AGBL1: variants seen among roughly 807,000 people sequenced by gnomAD.
The protein encoded by AGBL1 is cytosolic carboxypeptidase 4.
AGBL1 carries 130 observed loss-of-function variants against 118.9 expected under a neutral mutation model. The observed-to-expected ratio is 1.09, with a 90% CI of 0.95 to 1.26. The LOEUF is 1.26. Among genes scored for constraint, AGBL1 ranks in the 50% most tolerant of loss-of-function variants. The pLI, the probability that AGBL1 is intolerant of heterozygous loss-of-function variation, is 0.00. For synonymous variants in AGBL1, 555 were observed against 478.9 expected (o/e 1.16, Z -2.08); for missense variants, 1,584 against 1,298.1 (o/e 1.22, Z -3.38).
chr15:86,881,148 T>C (rs1006404778), intron 22 of AGBL1, among the ~76,000 whole-genome samples: 5 of 152,240 alleles, frequency 3.3e-5, no homozygotes, highest in African/African-American at 1.2e-4. Context: ...ATGGGGAGTC[T>C]AGGTTTTGTC....
chr15:86,764,940 C>T (rs568295494), intron 22 of AGBL1, among the ~76,000 whole-genome samples: 1 of 152,098 alleles, frequency 6.6e-6, no homozygotes, highest in Non-Finnish European at 1.5e-5. Flanking sequence ...TAATCCATTG[C>T]TCTAGGATGC....
chr15:86,443,070 A>G (rs2082083329), intron 18 of AGBL1, among the ~76,000 whole-genome samples: 1 of 152,186 alleles, frequency 6.6e-6, no homozygotes. Context: ...TCTGACAAGG[A>G]GAAACTGTTG....
At chr15:86,222,141 CCT>C (rs2078290247) in intron 5 of AGBL1, among the ~76,000 whole-genome samples, 1 of 152,068 alleles carries the variant, frequency 6.6e-6, no homozygotes, top group Non-Finnish European at 1.5e-5. Context: ...GATTGAATTT[CCT>C]CTCCGATATC....
chr15:86,235,780 G>A (rs11632388), intron 6 of AGBL1, among the ~76,000 whole-genome samples: 6,772 of 152,266 alleles, frequency 0.044, 211 homozygotes, highest in Non-Finnish European at 0.068. Context: ...TGCCCCAGAG[G>A]GAGCAATTAG....
intron 17 of AGBL1, among the ~76,000 whole-genome samples, chr15:86,311,269 G>A (rs1004554090): frequency 1.2e-4 from 19 of 152,126 alleles, no homozygotes; most frequent in African/African-American, 3.6e-4. Flanking sequence ...GTTCAGAATA[G>A]TTAGTCTATT....
At chr15:86,963,597 G>T (rs2081015950) in intron 23 of AGBL1, among the ~76,000 whole-genome samples, 1 of 151,920 alleles carries the variant, frequency 6.6e-6, no homozygotes. Context: ...GTCAGAATAT[G>T]ATTAAGGATC....
intron 22 of AGBL1, among the ~76,000 whole-genome samples, chr15:86,886,801 G>A (rs74027146): frequency 0.063 from 9,529 of 152,152 alleles, 805 homozygotes; most frequent in African/African-American, 0.19. Flanking sequence ...GGCCCCAACC[G>A]TATTTGAGGA....
At chr15:86,806,428 G>A (rs1011972029) in intron 22 of AGBL1, among the ~76,000 whole-genome samples, 22 of 152,134 alleles carry the variant, frequency 1.4e-4, no homozygotes, top group Non-Finnish European at 2.9e-5. Context: ...GTATCAAACA[G>A]TTAATGCCAT....
chr15:86,615,617 A>T lies in AGBL1; in HGVS notation c.2995-58656A>T, dbSNP rs2084710323. On this transcript the variant is annotated intron_variant, in intron 21 of 22. Coordinates refer to ENST00000614907, the MANE Select transcript of AGBL1 (RefSeq NM_001386094.1). The surrounding 1 kb of genome is among the most constrained non-coding windows in gnomAD (Gnocchi z 4.3). ...CTTCCATGGACTTTGAGGCAATCTAATCTGAGTGTAACAGAGCACTGAGGC... is the reference window on the plus strand; with the variant it reads ...CTTCCATGGACTTTGAGGCAATCTATTCTGAGTGTAACAGAGCACTGAGGC... 6.6e-6 allele frequency among the ~76,000 whole-genome samples: 1 copy of T among 152,198 alleles called. No individual in the cohort carries two copies. The highest frequency in any genetic ancestry group is 2.4e-5 in the African/African-American group (1 of 41,456).
chr15:86,204,362 A>G (rs2077955128), intron 5 of AGBL1, among the ~76,000 whole-genome samples: 5 of 152,166 alleles, frequency 3.3e-5, no homozygotes, highest in Admixed American at 2.0e-4. Context: ...TTGCAGCAAC[A>G]TTGAGCAGAA....
rs191703192 is a variant in AGBL1 at position 86,133,567 on chromosome 15, A to G, written c.52-8437A>G. ...TCTATGTATTCGTAGCACCTAGCGC[A>G]GTTCCTGGTACATAGCAAATGCTCA... On this transcript the variant is annotated intron_variant, in intron 1 of 22. Transcript: ENST00000614907. Among the ~76,000 whole-genome samples, 414 of 152,356 alleles carry G rather than the reference A, an allele frequency of 2.7e-3. 4 individuals carry two copies. Among genetic ancestry groups the G allele is most frequent in the Middle Eastern group, 6.8e-3 (2 of 294 alleles).
intron 5 of AGBL1, among the ~76,000 whole-genome samples, chr15:86,192,382 CTT>C (rs1036172562): frequency 6.6e-6 from 1 of 150,402 alleles, no homozygotes; most frequent in African/African-American, 2.4e-5. Flanking sequence ...AGTTTATAAA[CTT>C]ATATAGTTTA....
chr15:86,782,968 C>A (rs912286856), intron 22 of AGBL1, among the ~76,000 whole-genome samples: 1 of 152,084 alleles, frequency 6.6e-6, no homozygotes, highest in African/African-American at 2.4e-5. Context: ...TCTTTGGCCA[C>A]TTTTCCTTGT....
At chr15:86,860,253 G>A (rs954562072) in intron 22 of AGBL1, among the ~76,000 whole-genome samples, 3 of 152,010 alleles carry the variant, frequency 2.0e-5, no homozygotes, top group African/African-American at 7.2e-5. Context: ...ACGCATGCAT[G>A]GCTCTGAGTT....
chr15:86,656,654 C>T (rs2085465383), intron 21 of AGBL1, among the ~76,000 whole-genome samples: 1 of 152,134 alleles, frequency 6.6e-6, no homozygotes, highest in South Asian at 2.1e-4. Flanking sequence ...TCTGGCTTCT[C>T]TCCCTTCTTT....
chr15:86,645,528 C>T (rs1423152106), intron 21 of AGBL1, among the ~76,000 whole-genome samples: 1 of 152,150 alleles, frequency 6.6e-6, no homozygotes, highest in Non-Finnish European at 1.5e-5. Context: ...TGGCACATTG[C>T]CTAGAGTGTG....
intron 23 of AGBL1, among the ~76,000 whole-genome samples, chr15:86,974,565 T>TA (rs2081152822): frequency 3.0e-5 from 4 of 134,646 alleles, no homozygotes; most frequent in Admixed American, 7.6e-5. Context: ...ATAATATAAA[T>TA]TATATATATT....
chr15:86,354,060 C>A (rs1378631905), intron 17 of AGBL1, among the ~76,000 whole-genome samples: 1 of 152,190 alleles, frequency 6.6e-6, no homozygotes, highest in Non-Finnish European at 1.5e-5. Context: ...TGCACTTCTG[C>A]ATAGATGCAG....
At chr15:86,993,074 A>G (rs2081349075) in intron 24 of AGBL1, among the ~76,000 whole-genome samples, 1 of 152,232 alleles carries the variant, frequency 6.6e-6, no homozygotes, top group African/African-American at 2.4e-5. Context: ...TTATCCTAAA[A>G]TAAAAAGTAA....
Sources: allele counts gnomAD v4.1 joint callset (sites outside exome capture counted in the v4.1 genomes callset), GRCh38; gene constraint gnomAD v4.1.1; non-coding constraint Gnocchi (gnomAD v3.1); transcripts MANE v1.5; gene names NCBI Gene and HGNC (gene_info 2026-07-23, HGNC 2026-07-21).